Variants in AOPEP observed in about 807,000 individuals in gnomAD.
AOPEP encodes aminopeptidase O.
Under a neutral mutation model 98.1 loss-of-function variants are expected in AOPEP, and 77 were observed. The ratio of observed to expected loss-of-function variants is 0.78; its 90% CI spans 0.65 to 0.95. The LOEUF is 0.95. Ranked by LOEUF, AOPEP falls within the 40% of genes least tolerant of loss-of-function variation. The probability of loss-of-function intolerance (pLI) is 0.00; values close to 1 mark genes in which losing one functional copy is unlikely to be tolerated. For missense variants in AOPEP, 1,024 were observed against 1,024.7 expected (o/e 1.00, Z 0.01); for synonymous variants, 346 against 365.3 (o/e 0.95, Z 0.60).
intron 5 of AOPEP, among the ~76,000 whole-genome samples, chr9:94,813,354 G>A (rs1851033181): frequency 6.6e-6 from 1 of 152,112 alleles, no homozygotes; most frequent in African/African-American, 2.4e-5. Flanking sequence ...GTTTGATGAA[G>A]GTCCACCTCT....
At chr9:95,066,708 A>T (rs1564596069) in intron 14 of AOPEP, among the ~76,000 whole-genome samples, 1 of 152,150 alleles carries the variant, frequency 6.6e-6, no homozygotes, top group Non-Finnish European at 1.5e-5. Flanking sequence ...CAGTCTGTAT[A>T]GATTTTCTCA....
At chr9:95,084,354 A>G (rs1274336791) in intron 16 of AOPEP, among the ~76,000 whole-genome samples, 1 of 152,248 alleles carries the variant, frequency 6.6e-6, no homozygotes, top group East Asian at 1.9e-4. Flanking sequence ...ATATTCTTCC[A>G]GAAGAGTCAG....
intron 1 of AOPEP, among the ~76,000 whole-genome samples, chr9:94,756,743 G>T (rs1288431623): frequency 1.3e-5 from 2 of 152,066 alleles, no homozygotes. Context: ...AACTGGATGT[G>T]CTCTGCTCAT....
At chr9:95,031,656 G>A (rs2064313643) in intron 13 of AOPEP, among the ~76,000 whole-genome samples, 1 of 152,170 alleles carries the variant, frequency 6.6e-6, no homozygotes. Flanking sequence ...CGTAACTGAT[G>A]AATTGCTAAA....
intron 5 of AOPEP, among the ~76,000 whole-genome samples, chr9:94,878,498 TAGTC>T (rs2135790362): frequency 6.6e-6 from 1 of 151,992 alleles, no homozygotes; most frequent in East Asian, 1.9e-4. Flanking sequence ...TGATTGTACT[TAGTC>T]AGTGGATCAC....
At chr9:94,776,326 G>A (rs907905105) in intron 3 of AOPEP, among the ~76,000 whole-genome samples, 2 of 151,970 alleles carry the variant, frequency 1.3e-5, no homozygotes, top group Non-Finnish European at 2.9e-5. Context: ...TTTTGGAGAC[G>A]GAGTCTTGCT....
intron 11 of AOPEP, among the ~76,000 whole-genome samples, chr9:95,001,741 C>G (rs1262467421): frequency 6.6e-6 from 1 of 151,998 alleles, no homozygotes; most frequent in African/African-American, 2.4e-5. Context: ...AATTAGGAAC[C>G]TTTCTCATTT....
In AOPEP at chr9:94,801,037, C is replaced by A. The variant is rs1418332678; in HGVS notation, c.1364+35C>A. 4 of 1,609,012 alleles carry A rather than the reference C, an allele frequency of 2.5e-6. No homozygotes were observed. The African/African-American group carries it at 5.3e-5, about 22-fold the overall frequency. On this transcript the variant is annotated intron_variant, in intron 5 of 16. Transcript: ENST00000375315. ...TCCATTGTGGCACTTGGGGTACATA[C>A]ATTTTGGAAATTCTTTGACTATGTC...
chr9:94,947,217 G>A (rs369417697), intron 7 of AOPEP, among the ~76,000 whole-genome samples: 4 of 151,646 alleles, frequency 2.6e-5, no homozygotes, highest in Non-Finnish European at 4.4e-5. Context: ...ACCTGACCTC[G>A]TGATCCACCC....
At chr9:94,734,834 A>G (rs1831364603) in intron 1 of AOPEP, among the ~76,000 whole-genome samples, 1 of 152,246 alleles carries the variant, frequency 6.6e-6, no homozygotes, top group Non-Finnish European at 1.5e-5. Flanking sequence ...ATGTTTATAT[A>G]GGGATGGCAG....
At chr9:94,756,042 G>A (rs1836950969) in intron 1 of AOPEP, among the ~76,000 whole-genome samples, 2 of 150,892 alleles carry the variant, frequency 1.3e-5, no homozygotes, top group South Asian at 4.2e-4. Flanking sequence ...GGCAGATCAC[G>A]AGGTCAGGAG....
Position 94,738,730 on chromosome 9 carries a change from C to T in AOPEP, c.-136+11979C>T, listed in dbSNP as rs576276213. Among the ~76,000 whole-genome samples the T allele has an allele frequency of 4.9e-4, 75 of 152,012 alleles. 1 individual carries two copies. The highest frequency in any genetic ancestry group is 1.6e-3 in the African/African-American group (65 of 41,466). Reference sequence around the variant, plus strand: ...CTGGGACTACAGGCGCCCGCCACCACGCTTGGCTAATTTTTTTGTATTTTT... The same window carrying T: ...CTGGGACTACAGGCGCCCGCCACCATGCTTGGCTAATTTTTTTGTATTTTT... On this transcript the variant is annotated intron_variant, in intron 1 of 16. Transcript: ENST00000375315.
At chr9:94,786,055 C>A (rs1261444487) in intron 3 of AOPEP, among the ~76,000 whole-genome samples, 1 of 152,142 alleles carries the variant, frequency 6.6e-6, no homozygotes, top group Non-Finnish European at 1.5e-5. Flanking sequence ...GCATTCTTTG[C>A]CTTTGCCTTC....
intron 10 of AOPEP, among the ~76,000 whole-genome samples, chr9:94,975,360 T>C (rs1348762724): frequency 1.3e-5 from 2 of 152,344 alleles, no homozygotes; most frequent in East Asian, 3.9e-4. Flanking sequence ...CAGTAGCTTC[T>C]AGTTTTATGC....
At chr9:94,986,055 G>A (rs2060495252) in intron 11 of AOPEP, among the ~76,000 whole-genome samples, 1 of 152,210 alleles carries the variant, frequency 6.6e-6, no homozygotes, top group Non-Finnish European at 1.5e-5. Flanking sequence ...CCATAACTAA[G>A]TACCACAGAC....
In AOPEP at chr9:94,759,942, C is replaced by T. The variant is rs765476596; in HGVS notation, c.159C>T (p.Phe53=). ...TTTTCCTCGAGGATGGAAACAGATT[C>T]AAGAAACAGAATAGCTCTATTGAGG... ...IVLFLEDGNR[F]KKQNSSIEEA... Residue 53 remains phenylalanine (F), a synonymous_variant, in exon 2 of 17, where the codon TTC becomes TTT. Coordinates refer to ENST00000375315, the MANE Select transcript of AOPEP (RefSeq NM_001193329.3). The T allele has an allele frequency of 6.2e-7, 1 of 1,614,090 alleles. No individual in the cohort carries two copies. Among genetic ancestry groups the T allele is most frequent in the African/African-American group, 1.3e-5 (1 of 74,994 alleles).
chr9:95,143,762 G>A, the AOPEP span, among the ~76,000 whole-genome samples: 1 of 152,140 alleles, frequency 6.6e-6, no homozygotes, highest in Non-Finnish European at 1.5e-5. Context: ...TTATACTCCA[G>A]ACTTACAAAA....
intron 2 of AOPEP, among the ~76,000 whole-genome samples, chr9:94,766,320 C>G (rs1839594758): frequency 6.6e-6 from 1 of 152,186 alleles, no homozygotes. Flanking sequence ...GGGTGAATCA[C>G]AAGGTCAGGA....
intron 1 of AOPEP, among the ~76,000 whole-genome samples, chr9:94,732,110 C>T (rs1206269855): frequency 6.6e-6 from 1 of 152,016 alleles, no homozygotes; most frequent in Non-Finnish European, 1.5e-5. Context: ...TTTATTGTTC[C>T]ATATTCGTTT....
Sources: allele counts gnomAD v4.1 joint callset (sites outside exome capture counted in the v4.1 genomes callset), GRCh38; gene constraint gnomAD v4.1.1; transcripts MANE v1.5; gene names NCBI Gene and HGNC (gene_info 2026-07-23, HGNC 2026-07-21).